The following KAZN variants were observed in gnomAD, a reference collection of about 807,000 sequenced individuals.
The protein encoded by KAZN is kazrin.
A neutral mutation model predicts 87.4 loss-of-function variants in KAZN; 40 were observed. The observed-to-expected ratio is 0.46, with a 90% CI of 0.36 to 0.60. The LOEUF is 0.60. Ranked by LOEUF, KAZN falls within the 20% of genes least tolerant of loss-of-function variation. KAZN has a pLI of 0.00. For missense variants in KAZN, 898 were observed against 1,073.9 expected (o/e 0.84, Z 2.29); for synonymous variants, 466 against 458.3 (o/e 1.02, Z -0.22).
At chr1:14,965,558 A>G (rs1396225768) in intron 2 of KAZN, among the ~76,000 whole-genome samples, 1 of 152,134 alleles carries the variant, frequency 6.6e-6, no homozygotes, top group Non-Finnish European at 1.5e-5. Context: ...AACAATAAAT[A>G]CTCTTTGAAA....
intron 1 of KAZN, among the ~76,000 whole-genome samples, chr1:13,961,577 C>T (rs1192366691): frequency 6.6e-6 from 1 of 152,118 alleles, no homozygotes; most frequent in African/African-American, 2.4e-5. Flanking sequence ...TGCAATTATC[C>T]AGAAGTTAAT....
intron 2 of KAZN, among the ~76,000 whole-genome samples, chr1:14,566,733 GT>G (rs1674571270): frequency 6.6e-6 from 1 of 152,200 alleles, no homozygotes; most frequent in South Asian, 2.1e-4. Flanking sequence ...GAACTTTTAT[GT>G]TACACCAATG....
At chr1:14,081,520 G>A (rs3817959) in intron 1 of KAZN, among the ~76,000 whole-genome samples, 51,336 of 151,850 alleles carry the variant, frequency 0.34, 9,146 homozygotes, top group Middle Eastern at 0.4. Flanking sequence ...ACATTTTCAA[G>A]TGGTTTGCAA....
intron 2 of KAZN, among the ~76,000 whole-genome samples, chr1:14,342,029 G>C (rs1279257680): frequency 6.6e-6 from 1 of 152,122 alleles, no homozygotes; most frequent in African/African-American, 2.4e-5. Flanking sequence ...CCCAATGCAT[G>C]TGTCCGTGCG....
chr1:14,612,765 A>G (rs547728296), intron 1 of KAZN, among the ~76,000 whole-genome samples: 2 of 152,334 alleles, frequency 1.3e-5, no homozygotes, highest in African/African-American at 4.8e-5. Context: ...GTGACAGTCA[A>G]CATCATCAGA....
At chr1:14,862,709 T>C (rs906751982) in intron 1 of KAZN, among the ~76,000 whole-genome samples, 6 of 152,300 alleles carry the variant, frequency 3.9e-5, no homozygotes, top group Admixed American at 6.5e-5. Context: ...CTGATAGTCA[T>C]AGGAGCTGTC....
At chr1:13,981,089 T>TATATATATATATATATATATGTATATA (rs1553181094) in intron 1 of KAZN, among the ~76,000 whole-genome samples, 1 of 63,134 alleles carries the variant, frequency 1.6e-5, no homozygotes, top group Non-Finnish European at 3.4e-5. Flanking sequence ...AAATTACTCT[T>TATATATATATATATATATATGTATATA]TATATATATA....
At chr1:13,907,550 T>C (rs971545184) in intron 1 of KAZN, among the ~76,000 whole-genome samples, 6 of 152,144 alleles carry the variant, frequency 3.9e-5, no homozygotes, top group Admixed American at 3.3e-4. Flanking sequence ...TGAACTAGGC[T>C]GGCATTATCT....
intron 1 of KAZN, among the ~76,000 whole-genome samples, chr1:14,625,793 C>G (rs959965486): frequency 3.3e-5 from 5 of 152,228 alleles, no homozygotes; most frequent in Admixed American, 6.5e-5. Flanking sequence ...GACAGATGCA[C>G]TCGGTGTAAT....
intron 1 of KAZN, among the ~76,000 whole-genome samples, chr1:14,175,911 G>T (rs937252834): frequency 6.6e-6 from 1 of 152,080 alleles, no homozygotes; most frequent in African/African-American, 2.4e-5. Flanking sequence ...TAGACCATGG[G>T]TAGGTTATTT....
In KAZN at chr1:14,575,959, G is replaced by A. The variant is rs115989341; in HGVS notation, c.250-23024G>A. On this transcript the variant is annotated intron_variant, in intron 2 of 16. Transcript: ENST00000636203. ...ATGCATCCCCTTAGGTGAACATTTT[G>A]TGGGGGTTGTGAGTCATTTCTCTTT... Among the ~76,000 whole-genome samples the A allele has an allele frequency of 4.8e-3, 738 of 152,310 alleles. 3 individuals carry two copies. The highest frequency in any genetic ancestry group is 0.017 in the African/African-American group (704 of 41,568).
chr1:14,993,299 C>T (rs906979844), intron 2 of KAZN, among the ~76,000 whole-genome samples: 10 of 151,784 alleles, frequency 6.6e-5, no homozygotes, highest in Non-Finnish European at 1.5e-4. Flanking sequence ...GAAACACTGT[C>T]TCTACCAAAA....
At chr1:14,166,230 G>A (rs1645824050) in intron 1 of KAZN, among the ~76,000 whole-genome samples, 1 of 152,210 alleles carries the variant, frequency 6.6e-6, no homozygotes, top group Non-Finnish European at 1.5e-5. Flanking sequence ...CAGGATAATT[G>A]CTGGAACCTG....
intron 2 of KAZN, among the ~76,000 whole-genome samples, chr1:14,419,535 G>A (rs1254446184): frequency 2.0e-5 from 3 of 152,196 alleles, no homozygotes. Context: ...GAAGTGTCCG[G>A]AATTTGTGGG....
intron 2 of KAZN, among the ~76,000 whole-genome samples, chr1:14,185,276 A>G (rs1030050226): frequency 2.0e-5 from 3 of 152,190 alleles, no homozygotes; most frequent in African/African-American, 7.2e-5. Flanking sequence ...AGAACCAGGG[A>G]AAACAGGCAA....
intron 4 of KAZN, among the ~76,000 whole-genome samples, chr1:15,047,766 A>G (rs1168802793): frequency 6.6e-6 from 1 of 151,834 alleles, no homozygotes. Context: ...GCGAAACCCC[A>G]TCTCAAAAAA....
chr1:14,510,417 A>AG (rs1670843898), intron 2 of KAZN, among the ~76,000 whole-genome samples: 1 of 151,954 alleles, frequency 6.6e-6, no homozygotes, highest in Non-Finnish European at 1.5e-5. Context: ...TGCAACAAAT[A>AG]GGTCAGCAAC....
At chr1:15,040,314 C>T (rs1304913374) in intron 3 of KAZN, among the ~76,000 whole-genome samples, 2 of 152,224 alleles carry the variant, frequency 1.3e-5, no homozygotes, top group East Asian at 1.9e-4. Flanking sequence ...CAACTGTGCC[C>T]GCTTAGTCTG....
chr1:13,982,003 G>C (rs1395202792), intron 1 of KAZN, among the ~76,000 whole-genome samples: 2 of 152,144 alleles, frequency 1.3e-5, no homozygotes, highest in Non-Finnish European at 2.9e-5. Flanking sequence ...CTGTCCTCTT[G>C]GTTTGCTAAG....
Sources: gnomAD v4.1 joint callset for allele counts (sites outside exome capture counted in the v4.1 genomes callset) on GRCh38, gnomAD v4.1.1 for gene constraint, MANE v1.5 for transcripts, NCBI Gene and HGNC (gene_info 2026-07-23, HGNC 2026-07-21) for gene names.